CASD1: variants seen among roughly 807,000 people sequenced by gnomAD.
The protein encoded by CASD1 is N-acetylneuraminate (7)9-O-acetyltransferase.
Under a neutral mutation model 100.0 loss-of-function variants are expected in CASD1, and 41 were observed. That is an observed-to-expected ratio of 0.41 (90% CI 0.32 to 0.53). The LOEUF (loss-of-function observed/expected upper bound fraction) is 0.53, where lower values mean the gene tolerates loss of function less well. CASD1 is among the 20% of genes least tolerant of loss of function. The pLI is 0.25. For missense variants in CASD1, 774 were observed against 948.7 expected, an observed-to-expected ratio of 0.82 and a Z score of 2.42; for synonymous variants, 321 against 315.6, an observed-to-expected ratio of 1.02 and a Z score of -0.18.
At chr7:94,543,093 A>G (rs1024893205) in intron 10 of CASD1, among the ~76,000 whole-genome samples, 5 of 152,170 alleles carry the variant, frequency 3.3e-5, no homozygotes, top group Non-Finnish European at 7.4e-5. Context: ...GGGCAAGAAT[A>G]AACAGGTAAA....
intron 1 of CASD1, among the ~76,000 whole-genome samples, chr7:94,515,429 T>C (rs1456594588): frequency 1.5e-5 from 2 of 134,546 alleles, no homozygotes; most frequent in Admixed American, 1.5e-4. Context: ...TTTTTTTTTT[T>C]GATACGGGTT....
chr7:94,533,222 A>G lies in CASD1; in HGVS notation c.477A>G (p.Pro159=). ...TCCTTTAGGATTCCATTGCAAAGCC[A>G]CATGTGATTGTAGCAGGAGCTGCCA... ...KVWTEDSIAK[P]HVIVAGAATW... The change falls in exon 6 of 18, where the codon CCA becomes CCG. Residue 159 remains proline (P), a synonymous_variant. Coordinates refer to ENST00000297273, the MANE Select transcript of CASD1 (RefSeq NM_022900.5). 4 of 1,609,952 alleles carry G rather than the reference A, an allele frequency of 2.5e-6. No homozygotes were observed. Among genetic ancestry groups the G allele is most frequent in the Non-Finnish European group, 2.5e-6 (3 of 1,177,354 alleles).
intron 10 of CASD1, among the ~76,000 whole-genome samples, chr7:94,539,593 C>T (rs1016571172): frequency 1.4e-5 from 2 of 147,116 alleles, no homozygotes; most frequent in Admixed American, 7.0e-5. Flanking sequence ...CACTTGAACC[C>T]AGGGGATAGA....
chr7:94,522,476 C>T (rs1321263463), intron 3 of CASD1, among the ~76,000 whole-genome samples: 2 of 152,116 alleles, frequency 1.3e-5, no homozygotes, highest in Non-Finnish European at 2.9e-5. Context: ...TTCTCACTTA[C>T]AGTGGGAGAA....
the CASD1 span, among the ~76,000 whole-genome samples, chr7:94,616,004 C>A: frequency 5.9e-5 from 9 of 152,186 alleles, no homozygotes; most frequent in Non-Finnish European, 1.3e-4. Context: ...GAGGGCTCAG[C>A]CTTCCTTTGC....
downstream of CASD1, among the ~76,000 whole-genome samples, chr7:94,562,002 C>A (rs1024437759): frequency 1.1e-4 from 16 of 152,120 alleles, no homozygotes; most frequent in African/African-American, 3.9e-4. Context: ...ATTCTATAAA[C>A]AATTCTATGA....
intron 3 of CASD1, among the ~76,000 whole-genome samples, chr7:94,521,736 T>G (rs1022453015): frequency 1.3e-5 from 2 of 152,168 alleles, no homozygotes; most frequent in African/African-American, 4.8e-5. Context: ...TGTTTTTGCA[T>G]ATATTATCCA....
chr7:94,599,894 T>TA, the CASD1 span: 2 of 584,278 alleles, frequency 3.4e-6, no homozygotes, highest in Non-Finnish European at 6.1e-6. Flanking sequence ...TGAGTACACA[T>TA]ACAGCGATGG....
chr7:94,618,706 T>A, the CASD1 span: 1 of 1,454,458 alleles, frequency 6.9e-7, no homozygotes, highest in Non-Finnish European at 9.6e-7. Context: ...TTTGATAAGA[T>A]CACCGTATTT....
intron 11 of CASD1, 91 bp from the exon 12 acceptor site, chr7:94,545,454 C>A: frequency 1.1e-6 from 1 of 879,090 alleles, no homozygotes; most frequent in Non-Finnish European, 1.8e-6. Context: ...CATTTATACT[C>A]TGTCAGAGAA....
At chr7:94,623,273 T>C in the CASD1 span, 2 of 1,141,468 alleles carry the variant, frequency 1.8e-6, no homozygotes, top group Non-Finnish European at 2.6e-6. Context: ...TTATAAAACA[T>C]AATGAAATAC....
the CASD1 span, among the ~76,000 whole-genome samples, chr7:94,576,943 A>C: frequency 5.9e-5 from 9 of 152,154 alleles, no homozygotes; most frequent in Non-Finnish European, 1.2e-4. Context: ...CCATGTAGTG[A>C]AGTTTTCATC....
At chr7:94,570,707 C>G in the CASD1 span, among the ~76,000 whole-genome samples, 2 of 152,148 alleles carry the variant, frequency 1.3e-5, no homozygotes, top group Non-Finnish European at 2.9e-5. Flanking sequence ...GTTGGCCAGG[C>G]TGATCTCCAA....
chr7:94,586,085 A>C, the CASD1 span, among the ~76,000 whole-genome samples: 25 of 150,678 alleles, frequency 1.7e-4, no homozygotes, highest in South Asian at 4.2e-4. Context: ...AAAAAAAAAA[A>C]AACAACAACT....
the CASD1 span, among the ~76,000 whole-genome samples, chr7:94,581,730 A>T: frequency 8.3e-3 from 1,259 of 152,312 alleles, 7 homozygotes; most frequent in Middle Eastern, 0.027. Flanking sequence ...GCTGCATAGT[A>T]GTCCATGGTG....
At chr7:94,598,007 T>TA in the CASD1 span, 897 of 153,652 alleles carry the variant, frequency 5.8e-3, no homozygotes, top group South Asian at 0.015. Flanking sequence ...AACTCCATCT[T>TA]AAAAAAAAAA....
In CASD1 at chr7:94,537,671, A is replaced by G. The variant is rs1795186774; in HGVS notation, c.1043A>G (p.Glu348Gly). 6.2e-7 allele frequency: 1 copy of G among 1,613,822 alleles called. No individual in the cohort carries two copies. Among genetic ancestry groups the G allele is most frequent in the East Asian group, 2.2e-5 (1 of 44,848 alleles). The change falls in exon 9 of 18, where the codon GAA (glutamate) becomes GGA (glycine). Residue 348 changes from glutamate (E) to glycine (G), a missense_variant. By Grantham distance (98) the Glu-to-Gly change is moderately conservative. Around this residue, in one of 5 missense-constraint regions of CASD1, gnomAD observed 453 missense variants for 532.6 expected, o/e 0.85. Transcript: ENST00000297273. ...HRKNKPCTDLESGEEKKNIIN... is the reference protein window; with the variant it reads ...HRKNKPCTDLGSGEEKKNIIN... The stretch of plus-strand genomic sequence containing the variant: ...AAGAATAAGCCGTGTACTGATTTGG[A>G]AAGTGGAGAGGAAAAGAAAAATATT...
chr7:94,549,554 T>A lies in CASD1; in HGVS notation c.1735T>A (p.Ser579Thr), dbSNP rs774610626. The stretch of plus-strand genomic sequence containing the variant: ...TCAGGGTGCATTTGAGAAGATCTTT[T>A]CTCTTTGGCCATTGTCCAAGTGTTT... ...YSQGAFEKIF[S>T]LWPLSKCFEL... Residue 579 changes from serine to threonine, a missense_variant, in exon 14 of 18, where the codon TCT (serine) becomes ACT (threonine). Physicochemically the swap from Ser to Thr is moderately conservative, Grantham distance 58. Around this residue, in one of 5 missense-constraint regions of CASD1, gnomAD observed 453 missense variants for 532.6 expected, o/e 0.85. Coordinates refer to ENST00000297273, the MANE Select transcript of CASD1 (RefSeq NM_022900.5). 6.2e-7 allele frequency: 1 copy of A among 1,610,526 alleles called. No homozygotes were observed.
the CASD1 span, among the ~76,000 whole-genome samples, chr7:94,582,416 C>T: frequency 9.9e-5 from 15 of 152,184 alleles, no homozygotes; most frequent in Non-Finnish European, 2.2e-4. Context: ...AGCCACTGCA[C>T]CTGGCCAGCT....
Sources: gnomAD v4.1 joint callset for allele counts (sites outside exome capture counted in the v4.1 genomes callset) on GRCh38, gnomAD v4.1.1 for gene constraint, gnomAD v4.1.1 regional missense constraint, MANE v1.5 for transcripts, NCBI Gene and HGNC (gene_info 2026-07-23, HGNC 2026-07-21) for gene names.